Variants in ANXA10 observed in about 807,000 individuals in gnomAD.
ANXA10 encodes annexin A10, also known as annexin 14.
ANXA10 carries 49 observed loss-of-function variants against 53.5 expected under a neutral mutation model. The observed-to-expected ratio is 0.92, with a 90% CI of 0.73 to 1.16. ANXA10 has a LOEUF of 1.16. Ranked by LOEUF, ANXA10 falls within the 50% of genes most tolerant of loss-of-function variation. The probability of loss-of-function intolerance (pLI) is 0.00; values close to 1 mark genes in which losing one functional copy is unlikely to be tolerated. For missense variants in ANXA10, 393 were observed against 394.4 expected, an observed-to-expected ratio of 1.00 and a Z score of 0.03; for synonymous variants, 131 against 128.9, an observed-to-expected ratio of 1.02 and a Z score of -0.11.
At chr4:168,138,425 C>G (rs1157635554) in intron 2 of ANXA10, among the ~76,000 whole-genome samples, 1 of 151,574 alleles carries the variant, frequency 6.6e-6, no homozygotes, top group African/African-American at 2.4e-5. Context: ...ATATCCTTTG[C>G]CCACTTTTTA....
At chr4:168,150,789 T>C (rs1731483135) in intron 3 of ANXA10, among the ~76,000 whole-genome samples, 1 of 152,098 alleles carries the variant, frequency 6.6e-6, no homozygotes, top group Non-Finnish European at 1.5e-5. Flanking sequence ...ACATCCTCCA[T>C]AGACTGGCCA....
At chr4:168,176,477 C>T (rs1278769763) in intron 6 of ANXA10, among the ~76,000 whole-genome samples, 9 of 152,168 alleles carry the variant, frequency 5.9e-5, no homozygotes, top group Non-Finnish European at 1.0e-4. Flanking sequence ...TAGCCCTTGG[C>T]TGCTGGAACA....
intron 3 of ANXA10, 64 bp from the exon 4 acceptor site, chr4:168,162,464 A>G: frequency 4.8e-6 from 5 of 1,051,050 alleles, no homozygotes; most frequent in Non-Finnish European, 7.3e-6. Context: ...ACTTTCTGCA[A>G]TTATCTCATT....
intron 1 of ANXA10, among the ~76,000 whole-genome samples, chr4:168,101,508 A>C (rs1192234376): frequency 7.5e-6 from 1 of 132,586 alleles, no homozygotes; most frequent in African/African-American, 2.8e-5. Context: ...TTGGGGGGGA[A>C]GGGGACGGGG....
chr4:168,095,426 G>A (rs1730526006), intron 1 of ANXA10, among the ~76,000 whole-genome samples: 1 of 151,848 alleles, frequency 6.6e-6, no homozygotes, highest in African/African-American at 2.4e-5. Context: ...GACAGAAAAT[G>A]TTAATCATAG....
intron 3 of ANXA10, among the ~76,000 whole-genome samples, chr4:168,161,450 T>C (rs1447650373): frequency 6.6e-6 from 1 of 152,218 alleles, no homozygotes; most frequent in African/African-American, 2.4e-5. Flanking sequence ...CCATGCTGTT[T>C]TGATTACTGT....
Position 168,164,247 on chromosome 4 carries a change from C to G in ANXA10, c.359C>G (p.Thr120Arg). 1.2e-6 allele frequency: 2 copies of G among 1,613,230 alleles called. No individual in the cohort carries two copies. The highest frequency in any genetic ancestry group is 1.7e-6 in the Non-Finnish European group (2 of 1,179,442). ...CTCATTGAAATACTAGCTTCAAGAA[C>G]AAATGGAGAAATTTTCCAGATGCGA... Reference protein sequence around the residue: ...NCLIEILASRTNGEIFQMREA... With the variant: ...NCLIEILASRRNGEIFQMREA... The change falls in exon 5 of 12, where the codon ACA becomes AGA. Residue 120 changes from threonine (T) to arginine (R), a missense_variant. Transcript: ENST00000359299.
chr4:168,177,013 T>C (rs1211503133), intron 6 of ANXA10, among the ~76,000 whole-genome samples: 2 of 151,708 alleles, frequency 1.3e-5, no homozygotes, highest in East Asian at 1.9e-4. Flanking sequence ...AAAAGAAAAA[T>C]GGTAGAAGCA....
At chr4:168,173,157 T>C (rs533635239) in intron 6 of ANXA10, among the ~76,000 whole-genome samples, 1 of 152,112 alleles carries the variant, frequency 6.6e-6, no homozygotes, top group Non-Finnish European at 1.5e-5. Context: ...AAAATATGGA[T>C]AAAAGAATGA....
chr4:168,146,233 G>T (rs1032215984), intron 3 of ANXA10, among the ~76,000 whole-genome samples: 2 of 152,092 alleles, frequency 1.3e-5, no homozygotes, highest in African/African-American at 4.8e-5. Context: ...TAATAAAACT[G>T]CATGATGGTC....
intron 3 of ANXA10, among the ~76,000 whole-genome samples, chr4:168,150,704 T>C (rs1038905490): frequency 1.3e-5 from 2 of 152,098 alleles, no homozygotes; most frequent in African/African-American, 4.8e-5. Flanking sequence ...GTTCAAAACA[T>C]GGTGGTGTTA....
At chr4:168,140,664 G>A (rs1399830239) in intron 3 of ANXA10, among the ~76,000 whole-genome samples, 1 of 151,248 alleles carries the variant, frequency 6.6e-6, no homozygotes, top group Non-Finnish European at 1.5e-5. Flanking sequence ...TGTTGTCCAA[G>A]CTGGAGTGCA....
intron 10 of ANXA10, among the ~76,000 whole-genome samples, chr4:168,183,006 T>G (rs1578941990): frequency 9.9e-6 from 1 of 100,632 alleles, no homozygotes. Context: ...AGACACCGTC[T>G]CGGAAAAAAA....
At chr4:168,131,637 T>G (rs1560967069) in intron 2 of ANXA10, among the ~76,000 whole-genome samples, 2 of 151,986 alleles carry the variant, frequency 1.3e-5, no homozygotes, top group South Asian at 4.1e-4. Context: ...TCTTTGCAAT[T>G]CTATTATTTT....
intron 2 of ANXA10, among the ~76,000 whole-genome samples, chr4:168,131,508 T>G (rs1248426903): frequency 6.6e-6 from 1 of 152,068 alleles, no homozygotes; most frequent in East Asian, 1.9e-4. Flanking sequence ...TGCTGTTCAT[T>G]TCAATGATAC....
chr4:168,167,444 A>T (rs1470529128), intron 6 of ANXA10, among the ~76,000 whole-genome samples: 2 of 152,198 alleles, frequency 1.3e-5, no homozygotes, highest in Non-Finnish European at 2.9e-5. Flanking sequence ...TCAATAGGTT[A>T]GGTGTATTAA....
Position 168,092,643 on chromosome 4 carries a change from A to C in ANXA10, c.-58A>C. 2.0e-6 allele frequency: 3 copies of C among 1,525,626 alleles called. No homozygotes were observed. The highest frequency in any genetic ancestry group is 2.7e-6 in the Non-Finnish European group (3 of 1,114,876). The allele number at this position is 1,525,626 out of a possible 1,614,324, so 94.5% of individuals were successfully genotyped here. A position where few individuals can be genotyped will look rare whatever the true frequency, so the allele number is the denominator to read the frequency against. On this transcript the variant is annotated 5_prime_UTR_variant, in exon 1 of 12. Transcript: ENST00000359299. Reference sequence around the variant, plus strand: ...TAATTCTTTCTGGCTTCACAGTGAAACAAGTTTATGCAATCGATCAAATAT... The same window carrying C: ...TAATTCTTTCTGGCTTCACAGTGAACCAAGTTTATGCAATCGATCAAATAT...
At chr4:168,184,528 C>T (rs201400713) in intron 10 of ANXA10, 31 bp from the exon 11 acceptor site, 18 of 1,611,932 alleles carry the variant, frequency 1.1e-5, no homozygotes, top group Non-Finnish European at 1.5e-5. Flanking sequence ...ATGCTGTCTT[C>T]TCATTTCTCC....
intron 3 of ANXA10, among the ~76,000 whole-genome samples, chr4:168,140,651 T>G (rs1215743934): frequency 2.0e-5 from 3 of 151,690 alleles, no homozygotes; most frequent in Non-Finnish European, 2.9e-5. Flanking sequence ...GGAGTTTCGC[T>G]CCTGTTGTCC....
Sources: gnomAD v4.1 joint callset for allele counts (sites outside exome capture counted in the v4.1 genomes callset) on GRCh38, gnomAD v4.1.1 for gene constraint, MANE v1.5 for transcripts, NCBI Gene and HGNC (gene_info 2026-07-23, HGNC 2026-07-21) for gene names.